Variants in PCDH11X observed in about 807,000 individuals in gnomAD.
The protein encoded by PCDH11X is protocadherin-11 X-linked.
A neutral mutation model predicts 53.3 loss-of-function variants in PCDH11X; 18 were observed. The ratio of observed to expected loss-of-function variants is 0.34; its 90% CI spans 0.23 to 0.50. The LOEUF (loss-of-function observed/expected upper bound fraction) is 0.50. Ranked by LOEUF, PCDH11X falls within the 20% of genes least tolerant of loss-of-function variation. The pLI is 0.98. For synonymous variants in PCDH11X, 279 were observed against 393.3 expected, an observed-to-expected ratio of 0.71 and a Z score of 3.44; for missense variants, 570 against 1,032.4, an observed-to-expected ratio of 0.55 and a Z score of 6.14.
intron 6 of PCDH11X, among the ~76,000 whole-genome samples, chrX:92,163,323 G>C (rs1218290477): frequency 9.1e-6 from 1 of 109,323 alleles, no homozygotes; most frequent in Non-Finnish European, 1.9e-5. Context: ...CTGCATACCA[G>C]ATTCACGCCC....
In PCDH11X at chrX:92,463,876, T is replaced by C. The variant is rs963167935; in HGVS notation, c.3344-4423T>C. 4.5e-4 allele frequency among the ~76,000 whole-genome samples: 50 copies of C among 110,954 alleles called. No individual in the cohort carries two copies. The Admixed American group carries it at 4.7e-3, about 10-fold the overall frequency. ...TTAATTTCAGAAATGGAAAAAAAAG[T>C]ACAACTCTAGGCTATGAAAGAAAAT... is the stretch of plus-strand genomic sequence containing the variant. On this transcript the variant is annotated intron_variant, in intron 9 of 10. Transcript: ENST00000682573.
chrX:92,469,652 G>A (rs746569820), intron 10 of PCDH11X, among the ~76,000 whole-genome samples: 1 of 111,593 alleles, frequency 9.0e-6, no homozygotes, highest in African/African-American at 3.2e-5. Flanking sequence ...AGTATTGATT[G>A]AAGAAACTGT....
intron 1 of PCDH11X, among the ~76,000 whole-genome samples, chrX:91,796,028 T>A (rs918541636): frequency 1.8e-5 from 2 of 112,128 alleles, no homozygotes; most frequent in African/African-American, 6.5e-5. Flanking sequence ...GGAATGGAGT[T>A]GTAAACTATT....
At chrX:92,201,310 A>G in intron 6 of PCDH11X, 65 bp from the exon 7 acceptor site, 5 of 1,154,801 alleles carry the variant, frequency 4.3e-6, no homozygotes, top group Non-Finnish European at 4.7e-6. Flanking sequence ...GTTTATATGA[A>G]ATGTACTGTG....
At chrX:91,949,876 G>A (rs1226579503) in intron 6 of PCDH11X, among the ~76,000 whole-genome samples, 5 of 107,250 alleles carry the variant, frequency 4.7e-5, no homozygotes, top group Non-Finnish European at 9.7e-5. Context: ...ATTTTCCTAA[G>A]CAGACAGAAA....
intron 10 of PCDH11X, among the ~76,000 whole-genome samples, chrX:92,472,036 T>G (rs1216120825): frequency 1.8e-5 from 2 of 111,198 alleles, no homozygotes; most frequent in African/African-American, 3.3e-5. Context: ...TTGCAAAAAT[T>G]TTCTGTCATT....
intron 9 of PCDH11X, among the ~76,000 whole-genome samples, chrX:92,466,486 A>C (rs1250301617): frequency 9.1e-6 from 1 of 109,480 alleles, no homozygotes; most frequent in African/African-American, 3.3e-5. Context: ...ACTCCCTTAC[A>C]GTGGGAAAAT....
chrX:91,907,336 G>GCA (rs60157063), intron 6 of PCDH11X, among the ~76,000 whole-genome samples: 26,513 of 80,025 alleles, frequency 0.33, 4,674 homozygotes, highest in East Asian at 0.58. Context: ...GCAACCATTG[G>GCA]CACACATGCA....
intron 10 of PCDH11X, among the ~76,000 whole-genome samples, chrX:92,505,168 T>TTTTTTTTTTTTTTTTG (rs2074032731): frequency 2.0e-5 from 1 of 50,836 alleles, no homozygotes; most frequent in Non-Finnish European, 4.7e-5. Flanking sequence ...TTTTTTTTTG[T>TTTTTTTTTTTTTTTTG]TTTTTTTTGC....
At chrX:91,998,535 T>C in intron 6 of PCDH11X, among the ~76,000 whole-genome samples, 1 of 111,052 alleles carries the variant, frequency 9.0e-6, no homozygotes, top group Non-Finnish European at 1.9e-5. Flanking sequence ...GTGGATCTAT[T>C]TGACTCTATC....
chrX:91,824,293 C>A (rs1257378938), intron 4 of PCDH11X, among the ~76,000 whole-genome samples: 2 of 110,628 alleles, frequency 1.8e-5, no homozygotes, highest in Admixed American at 1.9e-4. Flanking sequence ...TCCATTCTCC[C>A]CATCACTTTC....
chrX:91,847,255 T>TC (rs1490986144), intron 5 of PCDH11X, among the ~76,000 whole-genome samples: 1 of 110,695 alleles, frequency 9.0e-6, no homozygotes, highest in African/African-American at 3.3e-5. Context: ...AGCCTTGAAC[T>TC]CCTGGGCTCA....
intron 6 of PCDH11X, among the ~76,000 whole-genome samples, chrX:92,010,138 T>C (rs1035235434): frequency 9.0e-6 from 1 of 111,010 alleles, no homozygotes; most frequent in Non-Finnish European, 1.9e-5. Flanking sequence ...TCTGTGCACA[T>C]GGAAAAATGA....
intron 8 of PCDH11X, among the ~76,000 whole-genome samples, chrX:92,378,744 A>G (rs1281149444): frequency 8.9e-6 from 1 of 111,901 alleles, no homozygotes; most frequent in East Asian, 2.8e-4. Flanking sequence ...AAAGGGTAAG[A>G]GATCTTTGAA....
intron 9 of PCDH11X, among the ~76,000 whole-genome samples, chrX:92,444,592 T>C (rs775447926): frequency 9.2e-6 from 1 of 108,742 alleles, no homozygotes; most frequent in Non-Finnish European, 1.9e-5. Flanking sequence ...ACAGTGGTGA[T>C]AGTAGGCATT....
At chrX:92,585,142 C>G (rs986194769) in intron 10 of PCDH11X, among the ~76,000 whole-genome samples, 9 of 109,210 alleles carry the variant, frequency 8.2e-5, no homozygotes, top group Non-Finnish European at 1.5e-4. Context: ...GGGGGTGCTA[C>G]ACACTTTTAA....
chrX:92,378,592 T>C (rs1249645911), intron 8 of PCDH11X, among the ~76,000 whole-genome samples: 4 of 111,359 alleles, frequency 3.6e-5, no homozygotes, highest in Non-Finnish European at 7.5e-5. Flanking sequence ...AGGTGGCTTA[T>C]AAACAACATA....
intron 8 of PCDH11X, among the ~76,000 whole-genome samples, chrX:92,275,318 T>C (rs987259800): frequency 2.9e-5 from 3 of 101,848 alleles, no homozygotes; most frequent in Non-Finnish European, 4.1e-5. Context: ...GGGAGATTAA[T>C]TGGACATGAT....
At chrX:92,090,228 G>A (rs35282371) in intron 6 of PCDH11X, among the ~76,000 whole-genome samples, 9 of 111,774 alleles carry the variant, frequency 8.1e-5, no homozygotes, top group Non-Finnish European at 1.5e-4. Flanking sequence ...GAAAAGAGCT[G>A]TACATAGAAT....
Sources: allele counts gnomAD v4.1 joint callset (sites outside exome capture counted in the v4.1 genomes callset), GRCh38; gene constraint gnomAD v4.1.1; transcripts MANE v1.5; gene names NCBI Gene and HGNC (gene_info 2026-07-23, HGNC 2026-07-21).